The following APP variants were observed in gnomAD, a reference collection of about 807,000 sequenced individuals.
APP encodes amyloid beta precursor protein, also known as amyloid-beta precursor protein.
In APP, 31 loss-of-function variants were observed where a neutral mutation model predicts 101.4. That is an observed-to-expected ratio of 0.31 (90% CI 0.23 to 0.41). The LOEUF (loss-of-function observed/expected upper bound fraction) is 0.41. Ranked by LOEUF, APP falls within the 10% of genes least tolerant of loss-of-function variation. APP has a pLI of 1.00. For synonymous variants in APP, 366 were observed against 364.4 expected, an observed-to-expected ratio of 1.00 and a Z score of -0.05; for missense variants, 839 against 1,003.7, an observed-to-expected ratio of 0.84 and a Z score of 2.22.
rs919598005 is a variant in APP, at chr21:26,053,484, A to T, written c.356-136T>A. The T allele has an allele frequency of 1.9e-4, 131 of 682,504 alleles. 1 individual carries two copies. The East Asian group carries it at 3.6e-3, about 19-fold the overall frequency. The allele number at this position is 682,504 out of a possible 1,614,324, so 42.3% of individuals were successfully genotyped here. The stretch of plus-strand genomic sequence containing the variant: ...GCCTAAGCAACCCAATCAAGACCCT[A>T]CTACCTTTAGAATGTTACGTCTGGC... On this transcript the variant is annotated intron_variant, in intron 3 of 17. Coordinates refer to ENST00000346798, the MANE Select transcript of APP (RefSeq NM_000484.4).
Position 26,136,164 on chromosome 21 carries a change from G to GA in APP, c.58-24019dup, listed in dbSNP as rs756453136. ...AAAAAGAAAAGAAAAGAAAAGAAAA[G>GA]AAAGAAAAGAAAGAAAGAAAGAAAG... On this transcript the variant is annotated intron_variant, in intron 1 of 17. Transcript: ENST00000346798. Among the ~76,000 whole-genome samples, 175 of 80,986 alleles carry GA rather than the reference G, an allele frequency of 2.2e-3. 5 individuals are homozygous for GA. Among genetic ancestry groups the GA allele is most frequent in the African/African-American group, 5.2e-3 (101 of 19,598 alleles). 53.1% of individuals were successfully genotyped at this position (80,986 alleles called of 152,430 possible).
At chr21:26,127,925 T>A (rs1246289252) in intron 1 of APP, among the ~76,000 whole-genome samples, 1 of 152,164 alleles carries the variant, frequency 6.6e-6, no homozygotes, top group Non-Finnish European at 1.5e-5. Flanking sequence ...CTGGGGAGCC[T>A]GAACTGATGA....
intron 1 of APP, among the ~76,000 whole-genome samples, chr21:26,135,475 G>A (rs918563631): frequency 9.2e-5 from 14 of 152,196 alleles, no homozygotes; most frequent in Admixed American, 6.5e-5. Flanking sequence ...TTGACTTGGT[G>A]CAAATTCAAT....
chr21:25,886,539 G>A (rs1303183764), intron 17 of APP, among the ~76,000 whole-genome samples: 4 of 152,092 alleles, frequency 2.6e-5, no homozygotes, highest in East Asian at 1.9e-4. Context: ...GACTACAGGC[G>A]CATGCCACCA....
intron 16 of APP, among the ~76,000 whole-genome samples, chr21:25,896,413 AACACTC>A (rs1267216203): frequency 8.4e-5 from 12 of 143,680 alleles, no homozygotes; most frequent in South Asian, 4.8e-4. Context: ...GGAAAAAAGT[AACACTC>A]ACACACACAC....
At chr21:25,883,770 T>C (rs1344770712) in intron 17 of APP, among the ~76,000 whole-genome samples, 5 of 152,198 alleles carry the variant, frequency 3.3e-5, no homozygotes, top group African/African-American at 4.8e-5. Context: ...CCCCACTTCA[T>C]GAAGTGATTG....
chr21:25,982,245 G>C (rs1265234158), intron 9 of APP, 99 bp downstream of exon 9: 19 of 1,325,618 alleles, frequency 1.4e-5, no homozygotes, highest in Non-Finnish European at 2.1e-5. Context: ...CATCTTTAAA[G>C]ATCTTGATAA....
At chr21:25,903,386 A>T (rs1414719000) in intron 15 of APP, among the ~76,000 whole-genome samples, 1 of 144,060 alleles carries the variant, frequency 6.9e-6, no homozygotes, top group Non-Finnish European at 1.5e-5. Context: ...AAAAAAAAAA[A>T]TCAAAAAACA....
At position 25,937,027 on chromosome 21, in the gene APP, C is replaced by T. The variant is rs551881398; in HGVS notation, c.1687+17563G>A. Among the ~76,000 whole-genome samples, 378 of 152,166 alleles carry T rather than the reference C, an allele frequency of 2.5e-3. 2 individuals carry two copies. The highest frequency in any genetic ancestry group is 8.6e-3 in the African/African-American group (358 of 41,516). The stretch of plus-strand genomic sequence containing the variant: ...TGTGACTCAGTTCAGGATTTGAAAG[C>T]ACATGTGACAAATGGTCAAGTAAAG... On this transcript the variant is annotated intron_variant, in intron 13 of 17. Transcript: ENST00000346798.
At chr21:26,154,164 C>T (rs2063330920) in intron 1 of APP, among the ~76,000 whole-genome samples, 1 of 152,174 alleles carries the variant, frequency 6.6e-6, no homozygotes, top group Non-Finnish European at 1.5e-5. Flanking sequence ...ACTATGGGCA[C>T]ACACACAATA....
chr21:26,011,489 T>G (rs750274089), intron 6 of APP, among the ~76,000 whole-genome samples: 2 of 152,142 alleles, frequency 1.3e-5, no homozygotes, highest in Non-Finnish European at 2.9e-5. Flanking sequence ...TTTTTGATTG[T>G]CATCACTTGG....
At chr21:26,164,560 T>TA (rs2063566003) in intron 1 of APP, among the ~76,000 whole-genome samples, 1 of 152,182 alleles carries the variant, frequency 6.6e-6, no homozygotes, top group Admixed American at 6.5e-5. Flanking sequence ...TGCTCAATAT[T>TA]AGACATCTGT....
At chr21:26,160,089 T>C (rs1327726355) in intron 1 of APP, among the ~76,000 whole-genome samples, 2 of 142,764 alleles carry the variant, frequency 1.4e-5, no homozygotes, top group African/African-American at 2.7e-5. Context: ...CAGAGGTGGC[T>C]TCTACTCTGT....
At chr21:26,041,535 C>T (rs1350357787) in intron 5 of APP, among the ~76,000 whole-genome samples, 1 of 152,190 alleles carries the variant, frequency 6.6e-6, no homozygotes, top group Non-Finnish European at 1.5e-5. Flanking sequence ...ATCCAACCCT[C>T]CAAATAACTC....
chr21:25,941,390 C>G (rs1239321430), intron 13 of APP: 1 of 152,204 alleles, frequency 6.6e-6, no homozygotes, highest in African/African-American at 2.4e-5. Context: ...TACTCTGTTG[C>G]AACAATATAA....
In APP at chr21:26,024,126, G is replaced by A. The variant is rs73340704; in HGVS notation, c.663-2084C>T. Among the ~76,000 whole-genome samples the A allele has an allele frequency of 4.9e-3, 748 of 152,240 alleles. 8 individuals are homozygous for A. Among genetic ancestry groups the A allele is most frequent in the African/African-American group, 0.016 (673 of 41,546 alleles). ...GAATATCTAATAGTAAAAGCCTATC[G>A]TATACCACCTAGCAGGACTAGAGGA... On this transcript the variant is annotated intron_variant, in intron 5 of 17. Coordinates refer to ENST00000346798, the MANE Select transcript of APP (RefSeq NM_000484.4).
chr21:25,925,643 C>A (rs545417505), intron 13 of APP, among the ~76,000 whole-genome samples: 8 of 152,196 alleles, frequency 5.3e-5, no homozygotes, highest in Non-Finnish European at 1.2e-4. Context: ...GAAAGAAAAA[C>A]AAACATAATG....
chr21:26,120,587 T>C (rs1258226998), intron 1 of APP, among the ~76,000 whole-genome samples: 1 of 152,216 alleles, frequency 6.6e-6, no homozygotes, highest in East Asian at 1.9e-4. Context: ...ACACATGTAC[T>C]GAAGCTTTTA....
chr21:26,007,327 T>G (rs2043574939), intron 6 of APP, among the ~76,000 whole-genome samples: 1 of 148,608 alleles, frequency 6.7e-6, no homozygotes, highest in Non-Finnish European at 1.5e-5. Context: ...ATACAAAACT[T>G]CAATATTTCA....
Sources: allele counts gnomAD v4.1 joint callset (sites outside exome capture counted in the v4.1 genomes callset), GRCh38; gene constraint gnomAD v4.1.1; transcripts MANE v1.5; gene names NCBI Gene and HGNC (gene_info 2026-07-23, HGNC 2026-07-21).